The following SLCO2A1 variants were observed in gnomAD, a reference collection of about 807,000 sequenced individuals.
SLCO2A1 encodes solute carrier organic anion transporter family member 2A1, also known as matrin F/G 1.
Under a neutral mutation model 71.7 loss-of-function variants are expected in SLCO2A1, and 60 were observed. The ratio of observed to expected loss-of-function variants is 0.84; its 90% confidence interval spans 0.68 to 1.04. SLCO2A1 has a LOEUF of 1.04. Among genes scored for constraint, SLCO2A1 ranks in the 50% least tolerant of loss-of-function variants. The pLI is 0.00. For missense variants in SLCO2A1, 745 were observed against 813.4 expected (o/e 0.92, Z 1.02); for synonymous variants, 308 against 326.7 (o/e 0.94, Z 0.62).
intron 1 of SLCO2A1, among the ~76,000 whole-genome samples, chr3:134,010,696 G>T (rs912322544): frequency 6.9e-6 from 1 of 145,318 alleles, no homozygotes; most frequent in African/African-American, 2.6e-5. Context: ...AGAGGTTGCA[G>T]TGAGCTGAGA....
At chr3:134,015,287 G>A (rs60575778) in intron 1 of SLCO2A1, among the ~76,000 whole-genome samples, 9,984 of 152,238 alleles carry the variant, frequency 0.066, 827 homozygotes, top group African/African-American at 0.19. Flanking sequence ...GTCAGTTGCT[G>A]CAACATGGAT....
intron 1 of SLCO2A1, among the ~76,000 whole-genome samples, chr3:133,980,155 A>G (rs572903288): frequency 6.6e-6 from 1 of 152,332 alleles, no homozygotes; most frequent in South Asian, 2.1e-4. Context: ...TAATGCCTCC[A>G]GTAAGGCACC....
intron 3 of SLCO2A1, among the ~76,000 whole-genome samples, chr3:133,959,180 T>C (rs1206388578): frequency 1.3e-5 from 2 of 152,142 alleles, no homozygotes; most frequent in Non-Finnish European, 2.9e-5. Context: ...GTTACATTCA[T>C]TCTTCAGTCG....
Position 134,004,822 on chromosome 3 carries a change from C to T in SLCO2A1, c.96+24885G>A, listed in dbSNP as rs531138114. On this transcript the variant is annotated intron_variant, in intron 1 of 13. Coordinates refer to ENST00000310926, the MANE Select transcript of SLCO2A1 (RefSeq NM_005630.3). ...TCCACTAAAGCCTCCAGAAGGAACA[C>T]AGCCCTACCAACACCTTAAGAAATC... 6.6e-5 allele frequency among the ~76,000 whole-genome samples: 10 copies of T among 152,336 alleles called. No homozygotes were observed. The East Asian group carries it at 1.9e-3, about 29-fold the overall frequency.
chr3:133,975,317 C>T (rs1487446436), intron 2 of SLCO2A1, among the ~76,000 whole-genome samples: 1 of 152,160 alleles, frequency 6.6e-6, no homozygotes, highest in Admixed American at 6.5e-5. Flanking sequence ...ACAAAACATT[C>T]GAACATCATC....
At chr3:133,964,479 C>G (rs1301302593) in intron 3 of SLCO2A1, among the ~76,000 whole-genome samples, 1 of 152,080 alleles carries the variant, frequency 6.6e-6, no homozygotes, top group African/African-American at 2.4e-5. Context: ...GTTGCCCAGG[C>G]CTTTAAGAAC....
chr3:133,951,175 A>C, intron 6 of SLCO2A1, 33 bp downstream of exon 6: 1 of 1,613,586 alleles, frequency 6.2e-7, no homozygotes, highest in African/African-American at 1.3e-5. Flanking sequence ...CTTCAACTCC[A>C]TCAGGTAGAG....
chr3:133,947,538 T>C (rs1374523192), intron 8 of SLCO2A1, 93 bp from the exon 9 acceptor site: 1 of 1,076,046 alleles, frequency 9.3e-7, no homozygotes, highest in East Asian at 2.6e-5. Context: ...GAAGGAAGCA[T>C]GGCTTCAGGA....
chr3:133,999,322 C>T (rs1049103224), intron 1 of SLCO2A1, among the ~76,000 whole-genome samples: 3 of 152,230 alleles, frequency 2.0e-5, no homozygotes, highest in African/African-American at 7.2e-5. Flanking sequence ...ATTCCCCTGG[C>T]CTGCCAGCTT....
At chr3:133,985,229 A>G (rs894465282) in intron 1 of SLCO2A1, among the ~76,000 whole-genome samples, 3 of 152,218 alleles carry the variant, frequency 2.0e-5, no homozygotes, top group Admixed American at 2.0e-4. Flanking sequence ...ATAACGTACT[A>G]CAATCCTCCC....
chr3:133,952,476 A>ACACACT (rs1933769336), intron 5 of SLCO2A1, among the ~76,000 whole-genome samples: 2 of 151,976 alleles, frequency 1.3e-5, no homozygotes, highest in African/African-American at 4.8e-5. Flanking sequence ...TATCCCACCC[A>ACACACT]CACACTCCCC....
chr3:134,026,596 A>C (rs1243054888), intron 1 of SLCO2A1, among the ~76,000 whole-genome samples: 1 of 152,150 alleles, frequency 6.6e-6, no homozygotes, highest in African/African-American at 2.4e-5. Flanking sequence ...GCTTGTGAGG[A>C]TACCAGACCC....
intron 3 of SLCO2A1, among the ~76,000 whole-genome samples, chr3:133,971,121 A>G (rs1399749035): frequency 6.6e-6 from 1 of 152,210 alleles, no homozygotes; most frequent in Non-Finnish European, 1.5e-5. Context: ...GCCTGGCAGG[A>G]GGCCCTCCCC....
intron 1 of SLCO2A1, among the ~76,000 whole-genome samples, chr3:134,019,975 C>G (rs947941721): frequency 3.3e-5 from 5 of 152,100 alleles, no homozygotes; most frequent in Non-Finnish European, 5.9e-5. Context: ...CACAAGCAGA[C>G]AGCCCGGCAC....
Position 133,951,290 on chromosome 3 carries a change from C to G in SLCO2A1, c.779G>C (p.Gly260Ala). 1 of 1,614,106 alleles carries G rather than the reference C, an allele frequency of 6.2e-7. No individual in the cohort carries two copies. Among genetic ancestry groups the G allele is most frequent in the Non-Finnish European group, 8.5e-7 (1 of 1,180,016 alleles). Residue 260 changes from glycine to alanine, a missense_variant, in exon 6 of 14, where the codon GGC becomes GCC. Transcript: ENST00000310926. ...DPRWIGAWWL[G>A]LLISSALLVL... Reference sequence around the variant, plus strand: ...CAATAAAGCTGAAGAAATGAGCAGGCCTAGCCACCAGGCTCCAATCCATCG... The same window carrying G: ...CAATAAAGCTGAAGAAATGAGCAGGGCTAGCCACCAGGCTCCAATCCATCG...
At position 133,945,742 on chromosome 3, in the gene SLCO2A1, T is replaced by A. The variant is rs188951306; in HGVS notation, c.1296-482A>T. Among the ~76,000 whole-genome samples, 19 of 152,288 alleles carry A rather than the reference T, an allele frequency of 1.2e-4. No homozygotes were observed. The East Asian group carries it at 2.1e-3, about 17-fold the overall frequency. Reference sequence around the variant, plus strand: ...TCCCCTTGAGCTTCAACCAGAGGGATTTCACTGGTTGATCTCACTGTTCCC... The same window carrying A: ...TCCCCTTGAGCTTCAACCAGAGGGAATTCACTGGTTGATCTCACTGTTCCC... On this transcript the variant is annotated intron_variant, in intron 9 of 13. Coordinates refer to ENST00000310926, the MANE Select transcript of SLCO2A1 (RefSeq NM_005630.3).
intron 3 of SLCO2A1, among the ~76,000 whole-genome samples, chr3:133,968,056 A>C (rs1576439140): frequency 1.2e-5 from 1 of 85,182 alleles, no homozygotes; most frequent in Non-Finnish European, 2.3e-5. Context: ...CCCCCACACC[A>C]CCTCTTCCCT....
intron 2 of SLCO2A1, among the ~76,000 whole-genome samples, chr3:133,978,651 G>A (rs1216812490): frequency 6.6e-6 from 1 of 152,092 alleles, no homozygotes; most frequent in African/African-American, 2.4e-5. Context: ...ATGCTCCAGA[G>A]GAGCAACCCG....
At chr3:133,980,046 T>G (rs957829067) in intron 1 of SLCO2A1, among the ~76,000 whole-genome samples, 1 of 152,140 alleles carries the variant, frequency 6.6e-6, no homozygotes, top group African/African-American at 2.4e-5. Context: ...CCCCATCCAA[T>G]TCAGACCACT....
Sources: gnomAD v4.1 joint callset for allele counts (sites outside exome capture counted in the v4.1 genomes callset) on GRCh38, gnomAD v4.1.1 for gene constraint, MANE v1.5 for transcripts, NCBI Gene and HGNC (gene_info 2026-07-23, HGNC 2026-07-21) for gene names.